The following EHHADH variants were observed in gnomAD, a reference collection of about 807,000 sequenced individuals.
The protein encoded by EHHADH is peroxisomal bifunctional enzyme.
A neutral mutation model predicts 64.4 loss-of-function variants in EHHADH; 48 were observed. The ratio of observed to expected loss-of-function variants is 0.75; its 90% CI spans 0.59 to 0.95. The LOEUF is 0.95. Ranked by LOEUF, EHHADH falls within the 40% of genes least tolerant of loss-of-function variation. EHHADH has a pLI of 0.00. For missense variants in EHHADH, 854 were observed against 876.6 expected (o/e 0.97, Z 0.33); for synonymous variants, 308 against 326.7 (o/e 0.94, Z 0.62).
intron 2 of EHHADH, among the ~76,000 whole-genome samples, chr3:185,241,920 T>C (rs1719464532): frequency 6.6e-6 from 1 of 152,244 alleles, no homozygotes; most frequent in African/African-American, 2.4e-5. Context: ...CTAGAATTTT[T>C]ATAGTTTCAG....
chr3:185,202,724 G>T (rs1718263452), intron 6 of EHHADH, among the ~76,000 whole-genome samples: 1 of 152,176 alleles, frequency 6.6e-6, no homozygotes, highest in African/African-American at 2.4e-5. Context: ...CTCCTTCTGA[G>T]AATTTAATGC....
chr3:185,246,272 A>G, intron 2 of EHHADH: 6 of 833,208 alleles, frequency 7.2e-6, no homozygotes, highest in Non-Finnish European at 1.2e-5. Context: ...TACTGTCCTC[A>G]TTGTCAGCTT....
At chr3:185,229,581 G>A in intron 3 of EHHADH, 38 bp from the exon 4 acceptor site, 1 of 1,322,914 alleles carries the variant, frequency 7.6e-7, no homozygotes. Context: ...ATTAGCATGA[G>A]ATGGTATGTT....
intron 2 of EHHADH, among the ~76,000 whole-genome samples, chr3:185,241,330 C>A (rs1719446010): frequency 6.6e-6 from 1 of 152,148 alleles, no homozygotes; most frequent in Non-Finnish European, 1.5e-5. Flanking sequence ...AGTAGGATTG[C>A]TGGATCAAAT....
At chr3:185,209,900 T>A (rs887218965) in intron 5 of EHHADH, among the ~76,000 whole-genome samples, 1 of 152,196 alleles carries the variant, frequency 6.6e-6, no homozygotes, top group Non-Finnish European at 1.5e-5. Flanking sequence ...CCGTATCCAA[T>A]AGGCCCACCA....
chr3:185,205,124 T>C (rs961750700), intron 5 of EHHADH, among the ~76,000 whole-genome samples: 8 of 151,696 alleles, frequency 5.3e-5, no homozygotes, highest in Non-Finnish European at 7.4e-5. Context: ...TATTAATGAG[T>C]CTAAGGAAAA....
chr3:185,232,239 T>C (rs1719155398), intron 3 of EHHADH, among the ~76,000 whole-genome samples: 2 of 152,184 alleles, frequency 1.3e-5, no homozygotes, highest in Non-Finnish European at 2.9e-5. Context: ...TTTCCATCAC[T>C]GCCCATCTCT....
chr3:185,208,616 G>C (rs1718460009), intron 5 of EHHADH, among the ~76,000 whole-genome samples: 1 of 152,072 alleles, frequency 6.6e-6, no homozygotes, highest in Non-Finnish European at 1.5e-5. Flanking sequence ...CAGTTTAGTT[G>C]TTTCTTAAAA....
At chr3:185,201,748 A>T (rs550310106) in intron 6 of EHHADH, among the ~76,000 whole-genome samples, 40 of 152,340 alleles carry the variant, frequency 2.6e-4, no homozygotes, top group African/African-American at 8.7e-4. Flanking sequence ...TCATTTTAAA[A>T]AAATACTTCA....
At chr3:185,243,116 C>T (rs910211775) in intron 2 of EHHADH, among the ~76,000 whole-genome samples, 3 of 152,354 alleles carry the variant, frequency 2.0e-5, no homozygotes, top group Middle Eastern at 3.4e-3. Flanking sequence ...TCTTCTCCCA[C>T]AAACTAGACC....
chr3:185,223,595 T>C (rs964142793), intron 4 of EHHADH, among the ~76,000 whole-genome samples: 23 of 152,142 alleles, frequency 1.5e-4, no homozygotes, highest in African/African-American at 5.1e-4. Context: ...TACTAAAAAA[T>C]GTATAGCGAA....
chr3:185,246,652 C>A (rs1158017162), intron 2 of EHHADH, among the ~76,000 whole-genome samples: 1 of 152,198 alleles, frequency 6.6e-6, no homozygotes, highest in Non-Finnish European at 1.5e-5. Context: ...GCCTTCTCTT[C>A]TCCTTCAATC....
chr3:185,231,711 G>A (rs190189217), intron 3 of EHHADH, among the ~76,000 whole-genome samples: 37 of 150,922 alleles, frequency 2.5e-4, no homozygotes, highest in African/African-American at 9.0e-4. Context: ...ACCACATATT[G>A]TATGATTCTG....
At chr3:185,235,545 T>TA (rs1278997204) in intron 2 of EHHADH, 83 bp from the exon 3 acceptor site, 10 of 1,129,024 alleles carry the variant, frequency 8.9e-6, no homozygotes, top group Admixed American at 6.3e-5. Flanking sequence ...TGATACTCTT[T>TA]AAAAAATTAA....
intron 2 of EHHADH, among the ~76,000 whole-genome samples, chr3:185,240,365 C>G (rs1381147108): frequency 6.6e-6 from 1 of 150,926 alleles, no homozygotes; most frequent in Non-Finnish European, 1.5e-5. Context: ...CTTTGCACAT[C>G]TGGTAAAATT....
intron 4 of EHHADH, among the ~76,000 whole-genome samples, chr3:185,224,292 C>A (rs940361084): frequency 6.6e-6 from 1 of 151,544 alleles, no homozygotes; most frequent in African/African-American, 2.4e-5. Context: ...TTGAGGTCGG[C>A]GGTTTGAGAC....
rs200206225 is a variant in EHHADH, at chr3:185,253,920, C to T, written c.74+29G>A. Reference sequence around the variant, plus strand: ...GAGGGCGGCTAAGGCCCGCACGGTCCCCGGGCTGGAGGCGACCGAGCCCGT... The same window carrying T: ...GAGGGCGGCTAAGGCCCGCACGGTCTCCGGGCTGGAGGCGACCGAGCCCGT... On this transcript the variant is annotated intron_variant, in intron 1 of 6. Transcript: ENST00000231887. The T allele has an allele frequency of 1.9e-5, 31 of 1,613,458 alleles. No homozygotes were observed. The African/African-American group carries it at 3.9e-4, about 20-fold the overall frequency.
intron 2 of EHHADH, among the ~76,000 whole-genome samples, chr3:185,239,042 T>G (rs1029614754): frequency 6.6e-6 from 1 of 152,122 alleles, no homozygotes; most frequent in African/African-American, 2.4e-5. Flanking sequence ...TTGAACAGCA[T>G]ATCCTTTCCC....
intron 4 of EHHADH, among the ~76,000 whole-genome samples, chr3:185,226,298 A>T (rs1285539966): frequency 1.3e-5 from 2 of 152,204 alleles, no homozygotes; most frequent in African/African-American, 2.4e-5. Flanking sequence ...TAGGAAAGGA[A>T]GCCTCCTGCC....
Sources: allele counts gnomAD v4.1 joint callset (sites outside exome capture counted in the v4.1 genomes callset), GRCh38; gene constraint gnomAD v4.1.1; transcripts MANE v1.5; gene names NCBI Gene and HGNC (gene_info 2026-07-23, HGNC 2026-07-21).